Variants in ARNT2 observed in about 807,000 individuals in gnomAD.
ARNT2 encodes ARNT protein 2.
In ARNT2, 36 loss-of-function variants were observed where a neutral mutation model predicts 91.7. That is an observed-to-expected ratio of 0.39 (90% CI 0.30 to 0.52). The LOEUF (loss-of-function observed/expected upper bound fraction) is 0.52, where lower values mean the gene tolerates loss of function less well. Among genes scored for constraint, ARNT2 ranks in the 20% least tolerant of loss-of-function variants. ARNT2 has a pLI of 0.72. For synonymous variants in ARNT2, 365 were observed against 347.1 expected, an observed-to-expected ratio of 1.05 and a Z score of -0.57; for missense variants, 775 against 939.3, an observed-to-expected ratio of 0.83 and a Z score of 2.29.
intron 1 of ARNT2, among the ~76,000 whole-genome samples, chr15:80,437,295 C>T (rs1035826810): frequency 2.6e-5 from 4 of 152,104 alleles, no homozygotes; most frequent in African/African-American, 9.7e-5. Context: ...CGGTGTCTCC[C>T]CCACCTTGAA....
intron 1 of ARNT2, among the ~76,000 whole-genome samples, chr15:80,412,506 G>GTA (rs35163086): frequency 3.3e-4 from 50 of 151,242 alleles, no homozygotes; most frequent in African/African-American, 9.0e-4. Context: ...GTGTGTGTGT[G>GTA]TATATATATA....
chr15:80,509,132 G>A (rs1407571335), intron 6 of ARNT2, among the ~76,000 whole-genome samples: 4 of 152,134 alleles, frequency 2.6e-5, no homozygotes, highest in African/African-American at 9.7e-5. Context: ...CAAGGTGCCC[G>A]GGAGTCAATG....
chr15:80,553,857 A>G (rs1013123691), intron 10 of ARNT2, among the ~76,000 whole-genome samples: 2 of 152,236 alleles, frequency 1.3e-5, no homozygotes, highest in African/African-American at 4.8e-5. Flanking sequence ...AGGACTCTGC[A>G]TATAATTCTG....
intron 1 of ARNT2, among the ~76,000 whole-genome samples, chr15:80,447,548 C>T (rs1349526881): frequency 6.6e-6 from 1 of 152,200 alleles, no homozygotes; most frequent in Non-Finnish European, 1.5e-5. Context: ...GGACTGTCAC[C>T]TCCAACCTGA....
chr15:80,466,298 A>C (rs1287775514), intron 3 of ARNT2, among the ~76,000 whole-genome samples: 2 of 152,078 alleles, frequency 1.3e-5, no homozygotes, highest in Non-Finnish European at 2.9e-5. Flanking sequence ...AGTTAGTTGA[A>C]CCTCTTCTTT....
At chr15:80,523,970 T>TC (rs1240704387) in intron 8 of ARNT2, among the ~76,000 whole-genome samples, 1 of 152,190 alleles carries the variant, frequency 6.6e-6, no homozygotes, top group African/African-American at 2.4e-5. Context: ...ATTTCTGTCT[T>TC]CAAGTATTTG....
chr15:80,488,397 A>G (rs1897006124), intron 5 of ARNT2, among the ~76,000 whole-genome samples: 1 of 152,198 alleles, frequency 6.6e-6, no homozygotes, highest in African/African-American at 2.4e-5. Flanking sequence ...AAGTTCCTAC[A>G]TTCTCATTTT....
intron 8 of ARNT2, among the ~76,000 whole-genome samples, chr15:80,533,081 G>A (rs561111188): frequency 3.0e-4 from 45 of 152,372 alleles, no homozygotes; most frequent in African/African-American, 1.0e-3. Context: ...GCCAGGGGCT[G>A]TTGGAGAAAG....
intron 5 of ARNT2, among the ~76,000 whole-genome samples, chr15:80,475,886 T>A (rs899164230): frequency 6.6e-6 from 1 of 152,230 alleles, no homozygotes; most frequent in East Asian, 1.9e-4. Flanking sequence ...ATCTAGTTCC[T>A]TATTGAAATG....
At chr15:80,499,956 C>T (rs561330566) in intron 5 of ARNT2, among the ~76,000 whole-genome samples, 3 of 152,172 alleles carry the variant, frequency 2.0e-5, no homozygotes, top group African/African-American at 4.8e-5. Context: ...TCCCTCTTCT[C>T]GTTTGGGAAG....
rs748139605 is a variant in ARNT2, at chr15:80,563,234, C to T, written c.1311C>T (p.Asn437=). Residue 437 remains asparagine (N), a synonymous_variant, in exon 12 of 19, where the codon AAC becomes AAT. Transcript: ENST00000303329. ...AGTACATCATCTGCACCAACACCAA[C>T]GTCAAGTACGTACACTGCCATTTCC... ...EIEYIICTNT[N]VKQLQQQQAE... 19 of 1,614,086 alleles carry T rather than the reference C, an allele frequency of 1.2e-5. No homozygotes were observed. The highest frequency in any genetic ancestry group is 1.4e-5 in the Non-Finnish European group (17 of 1,180,044).
intron 10 of ARNT2, 66 bp downstream of exon 10, chr15:80,552,840 C>T (rs1476328658): frequency 1.9e-6 from 3 of 1,564,728 alleles, no homozygotes; most frequent in African/African-American, 1.4e-5. Flanking sequence ...AACATTCTTA[C>T]TTCATTTGAG....
chr15:80,508,089 C>G, intron 5 of ARNT2, 67 bp from the exon 6 acceptor site: 1 of 1,503,140 alleles, frequency 6.7e-7, no homozygotes, highest in South Asian at 1.1e-5. Context: ...AAGCACTCCC[C>G]GAACTCCCTC....
intron 8 of ARNT2, among the ~76,000 whole-genome samples, chr15:80,533,253 G>A (rs1449854740): frequency 1.3e-5 from 2 of 152,226 alleles, no homozygotes; most frequent in Admixed American, 6.5e-5. Context: ...ATTTGGGAAA[G>A]GGGAGCAGGG....
At chr15:80,486,779 C>T (rs531897658) in intron 5 of ARNT2, among the ~76,000 whole-genome samples, 1 of 152,246 alleles carries the variant, frequency 6.6e-6, no homozygotes, top group Admixed American at 6.5e-5. Flanking sequence ...TTGCTAATCA[C>T]CTATGCAGTG....
intron 11 of ARNT2, 66 bp from the exon 12 acceptor site, chr15:80,563,022 T>C (rs906883678): frequency 6.3e-7 from 1 of 1,584,608 alleles, no homozygotes; most frequent in Non-Finnish European, 8.7e-7. Context: ...TGCCTGCAGC[T>C]TCTCCCTCCT....
chr15:80,576,293 T>TGAG (rs1898672985), intron 14 of ARNT2, among the ~76,000 whole-genome samples: 1 of 152,112 alleles, frequency 6.6e-6, no homozygotes, highest in Admixed American at 6.5e-5. Flanking sequence ...TTTTTTTTTT[T>TGAG]TGAGGTGGAG....
At chr15:80,535,379 T>TGCTGTTTC (rs1412849172) in intron 8 of ARNT2, among the ~76,000 whole-genome samples, 1 of 152,246 alleles carries the variant, frequency 6.6e-6, no homozygotes, top group Non-Finnish European at 1.5e-5. Flanking sequence ...TTCATTATTT[T>TGCTGTTTC]GCTGTTTCAC....
intron 8 of ARNT2, among the ~76,000 whole-genome samples, chr15:80,526,257 G>C (rs1199588442): frequency 6.6e-6 from 1 of 152,190 alleles, no homozygotes; most frequent in Non-Finnish European, 1.5e-5. Context: ...AAGTCAATCA[G>C]CTCCCTTGTC....
Sources: allele counts gnomAD v4.1 joint callset (sites outside exome capture counted in the v4.1 genomes callset), GRCh38; gene constraint gnomAD v4.1.1; transcripts MANE v1.5; gene names NCBI Gene and HGNC (gene_info 2026-07-23, HGNC 2026-07-21).